The following CNTNAP2 variants were observed in gnomAD, a reference collection of about 807,000 sequenced individuals.
The protein encoded by CNTNAP2 is contactin associated protein 2, also known as contactin-associated protein-like 2.
A neutral mutation model predicts 155.2 loss-of-function variants in CNTNAP2; 98 were observed. The observed-to-expected ratio is 0.63, with a 90% CI of 0.54 to 0.75. The LOEUF is 0.75. Among genes scored for constraint, CNTNAP2 ranks in the 30% least tolerant of loss-of-function variants. The pLI is 0.00. For missense variants in CNTNAP2, 1,727 were observed against 1,688.1 expected (o/e 1.02, Z -0.40); for synonymous variants, 651 against 631.2 (o/e 1.03, Z -0.47).
chr7:146,395,799 A>AGAT (rs1326575838), intron 1 of CNTNAP2, among the ~76,000 whole-genome samples: 3,139 of 143,512 alleles, frequency 0.022, 133 homozygotes, highest in African/African-American at 0.085. Flanking sequence ...ATAGATAGAT[A>AGAT]GATAGATAGA....
chr7:146,133,329 G>A (rs1202073462), intron 1 of CNTNAP2, among the ~76,000 whole-genome samples: 1 of 151,924 alleles, frequency 6.6e-6, no homozygotes, highest in East Asian at 1.9e-4. Context: ...TGTCAGATGA[G>A]TAGGTTGTGA....
intron 9 of CNTNAP2, among the ~76,000 whole-genome samples, chr7:147,381,443 T>C (rs1243986461): frequency 6.6e-6 from 1 of 152,214 alleles, no homozygotes; most frequent in East Asian, 1.9e-4. Flanking sequence ...TATCTGCCGA[T>C]GTTTTAGATA....
chr7:146,880,014 T>C (rs1184821321), intron 3 of CNTNAP2, among the ~76,000 whole-genome samples: 1 of 152,054 alleles, frequency 6.6e-6, no homozygotes, highest in South Asian at 2.1e-4. Flanking sequence ...ACTTATTCAC[T>C]ACCATGAGAA....
chr7:147,511,915 A>G (rs1799030064), intron 11 of CNTNAP2, among the ~76,000 whole-genome samples: 1 of 152,212 alleles, frequency 6.6e-6, no homozygotes, highest in Non-Finnish European at 1.5e-5. Context: ...ACAGGTGCCA[A>G]CGTAAACCTA....
chr7:146,319,823 T>C (rs979607032), intron 1 of CNTNAP2, among the ~76,000 whole-genome samples: 25 of 152,160 alleles, frequency 1.6e-4, no homozygotes, highest in Non-Finnish European at 3.4e-4. Flanking sequence ...TGCATTCCCA[T>C]CGTTCGGGCA....
intron 12 of CNTNAP2, among the ~76,000 whole-genome samples, chr7:147,574,363 G>T (rs113262948): frequency 5.9e-5 from 9 of 152,100 alleles, no homozygotes; most frequent in African/African-American, 2.2e-4. Flanking sequence ...GAGTGGGAGG[G>T]TCTTGTTGAC....
intron 3 of CNTNAP2, among the ~76,000 whole-genome samples, chr7:146,936,484 G>A (rs766474135): frequency 1.2e-4 from 18 of 152,174 alleles, no homozygotes; most frequent in Non-Finnish European, 2.4e-4. Context: ...TGGTGATAGT[G>A]ACATCGATGA....
At chr7:148,208,522 C>T (rs1015059051) in intron 18 of CNTNAP2, among the ~76,000 whole-genome samples, 3 of 152,142 alleles carry the variant, frequency 2.0e-5, no homozygotes, top group East Asian at 3.9e-4. Context: ...AGAGCCAATG[C>T]CTTACAGAGA....
chr7:147,422,107 A>ATATATATATAGTATGTATATATACAG (rs1313499597), intron 10 of CNTNAP2, among the ~76,000 whole-genome samples: 3 of 147,214 alleles, frequency 2.0e-5, no homozygotes, highest in African/African-American at 7.4e-5. Context: ...TATACAGTAT[A>ATATATATATAGTATGTATATATACAG]TATATATATA....
intron 1 of CNTNAP2, among the ~76,000 whole-genome samples, chr7:146,738,034 T>G (rs768616088): frequency 6.6e-6 from 1 of 152,082 alleles, no homozygotes; most frequent in Non-Finnish European, 1.5e-5. Flanking sequence ...GGAATATGCC[T>G]AGTAGTGGGA....
At chr7:147,623,874 G>A (rs566419477) in intron 12 of CNTNAP2, among the ~76,000 whole-genome samples, 23 of 152,148 alleles carry the variant, frequency 1.5e-4, no homozygotes, top group African/African-American at 5.3e-4. Flanking sequence ...ATGCTACAGA[G>A]CTAGAGTAAC....
At chr7:146,853,483 C>T (rs546531412) in intron 3 of CNTNAP2, among the ~76,000 whole-genome samples, 1 of 152,132 alleles carries the variant, frequency 6.6e-6, no homozygotes, top group South Asian at 2.1e-4. Flanking sequence ...GGAATTTAAC[C>T]TATTTCTTAG....
chr7:147,742,868 T>G (rs1796977037), intron 13 of CNTNAP2, among the ~76,000 whole-genome samples: 1 of 152,134 alleles, frequency 6.6e-6, no homozygotes, highest in Non-Finnish European at 1.5e-5. Context: ...AAGAATGAAT[T>G]TCATGGATTT....
chr7:146,947,566 TATATATATAC>T (rs1490089449), intron 3 of CNTNAP2, among the ~76,000 whole-genome samples: 41 of 29,688 alleles, frequency 1.4e-3, no homozygotes, highest in African/African-American at 2.6e-3. Flanking sequence ...TGTATATATA[TATATATATAC>T]ATATATATAT....
chr7:147,616,970 C>A (rs2116886324), intron 12 of CNTNAP2, among the ~76,000 whole-genome samples: 1 of 152,250 alleles, frequency 6.6e-6, no homozygotes, highest in Non-Finnish European at 1.5e-5. Context: ...ACACCCACGC[C>A]TACGATCGTG....
chr7:147,663,229 C>T (rs1795643390), intron 13 of CNTNAP2, among the ~76,000 whole-genome samples: 1 of 152,248 alleles, frequency 6.6e-6, no homozygotes, highest in Non-Finnish European at 1.5e-5. Context: ...AACCCTTGAC[C>T]TCGTGATCCA....
chr7:147,137,319 TTATAAA>T (rs1228063766), intron 8 of CNTNAP2, among the ~76,000 whole-genome samples: 1 of 151,276 alleles, frequency 6.6e-6, no homozygotes, highest in Non-Finnish European at 1.5e-5. Flanking sequence ...AATGTCATTA[TTATAAA>T]TATAGGAATT....
intron 21 of CNTNAP2, among the ~76,000 whole-genome samples, chr7:148,358,719 G>C (rs115628721): frequency 0.019 from 2,931 of 152,320 alleles, 92 homozygotes; most frequent in African/African-American, 0.067. Flanking sequence ...GCAGTTAGGA[G>C]CAGAGTAACA....
chr7:148,077,419 A>C (rs920195033), intron 15 of CNTNAP2, among the ~76,000 whole-genome samples: 2 of 152,054 alleles, frequency 1.3e-5, no homozygotes, highest in Non-Finnish European at 2.9e-5. Flanking sequence ...AGCAAATCCT[A>C]ATTTTTATGA....
Sources: allele counts gnomAD v4.1 joint callset (sites outside exome capture counted in the v4.1 genomes callset), GRCh38; gene constraint gnomAD v4.1.1; transcripts MANE v1.5; gene names NCBI Gene and HGNC (gene_info 2026-07-23, HGNC 2026-07-21).